TXNRD1: variants seen among roughly 807,000 people sequenced by gnomAD.
The protein encoded by TXNRD1 is thioredoxin reductase 1, also known as thioredoxin reductase 1, cytoplasmic.
TXNRD1 carries 57 observed loss-of-function variants against 80.3 expected under a neutral mutation model. The observed-to-expected ratio is 0.71, with a 90% CI of 0.57 to 0.89. TXNRD1 has a LOEUF of 0.89. TXNRD1 is among the 40% of genes least tolerant of loss of function. TXNRD1 has a pLI of 0.00. For missense variants in TXNRD1, 730 were observed against 803.0 expected, an observed-to-expected ratio of 0.91 and a Z score of 1.10; for synonymous variants, 291 against 285.2, an observed-to-expected ratio of 1.02 and a Z score of -0.20.
At chr12:104,235,430 A>G (rs1296109059) in intron 1 of TXNRD1, among the ~76,000 whole-genome samples, 1 of 152,162 alleles carries the variant, frequency 6.6e-6, no homozygotes, top group Non-Finnish European at 1.5e-5. Context: ...TTAGGCTTTG[A>G]AAATAGAGGA....
At chr12:104,323,581 T>C (rs1409173248) in intron 10 of TXNRD1, among the ~76,000 whole-genome samples, 2 of 63,996 alleles carry the variant, frequency 3.1e-5, no homozygotes. Context: ...GGCGGGGGGC[T>C]GACACCCCCA....
chr12:104,305,122 A>T (rs1402051753), intron 4 of TXNRD1: 3 of 567,690 alleles, frequency 5.3e-6, no homozygotes, highest in Non-Finnish European at 8.5e-6. Flanking sequence ...TCTGTTATTA[A>T]AACAAATTCA....
In TXNRD1 at chr12:104,348,336, T is replaced by C; in HGVS notation, c.1882-17T>C. 6.2e-7 allele frequency: 1 copy of C among 1,613,770 alleles called. No homozygotes were observed. The highest frequency in any genetic ancestry group is 8.5e-7 in the Non-Finnish European group (1 of 1,179,656). Reference sequence around the variant, plus strand: ...GCTCAGGCATCTGAAGATGTTGTGCTTTCTCTTCCCCTGCAGGTATTCACA... The same window carrying C: ...GCTCAGGCATCTGAAGATGTTGTGCCTTCTCTTCCCCTGCAGGTATTCACA... On this transcript the variant is annotated splice_polypyrimidine_tract_variant and intron_variant, in intron 16 of 16. Coordinates refer to ENST00000525566, the MANE Select transcript of TXNRD1 (RefSeq NM_001093771.3).
chr12:104,305,731 T>C (rs1275796309), intron 4 of TXNRD1, among the ~76,000 whole-genome samples: 1 of 152,234 alleles, frequency 6.6e-6, no homozygotes, highest in East Asian at 1.9e-4. Context: ...CAAACTATTA[T>C]ACATTGAACA....
chr12:104,329,568 G>A (rs557639504), intron 13 of TXNRD1, among the ~76,000 whole-genome samples: 145 of 151,918 alleles, frequency 9.5e-4, no homozygotes, highest in African/African-American at 3.3e-3. Context: ...AGAATCACCC[G>A]AACTTGGGAG....
chr12:104,294,696 C>T (rs569678175), intron 4 of TXNRD1, among the ~76,000 whole-genome samples: 24 of 152,270 alleles, frequency 1.6e-4, no homozygotes, highest in African/African-American at 5.3e-4. Flanking sequence ...TCTCAAAACT[C>T]GTGAGTTTAA....
chr12:104,345,043 G>A (rs1471638124), intron 16 of TXNRD1, among the ~76,000 whole-genome samples: 1 of 152,178 alleles, frequency 6.6e-6, no homozygotes, highest in South Asian at 2.1e-4. Flanking sequence ...GGGGAATGCG[G>A]TTCAGAAGTG....
intron 4 of TXNRD1, among the ~76,000 whole-genome samples, chr12:104,294,242 C>CCCCCG: frequency 8.4e-6 from 1 of 119,044 alleles, no homozygotes; most frequent in South Asian, 3.5e-4. Flanking sequence ...GGCCCCCCCC[C>CCCCCG]CCGCCGCCGG....
At chr12:104,231,636 T>G (rs1011827488) in intron 1 of TXNRD1, among the ~76,000 whole-genome samples, 2 of 152,218 alleles carry the variant, frequency 1.3e-5, no homozygotes, top group African/African-American at 4.8e-5. Context: ...AATTTTCATC[T>G]AAAATTTTAC....
intron 4 of TXNRD1, among the ~76,000 whole-genome samples, chr12:104,308,416 A>C (rs547145683): frequency 6.6e-6 from 1 of 152,372 alleles, no homozygotes; most frequent in African/African-American, 2.4e-5. Context: ...GTTGTCAGAC[A>C]TTAAAGAGAA....
At chr12:104,303,261 C>G (rs1458678011) in intron 4 of TXNRD1, among the ~76,000 whole-genome samples, 1 of 152,164 alleles carries the variant, frequency 6.6e-6, no homozygotes, top group Non-Finnish European at 1.5e-5. Flanking sequence ...AAGTAATTAA[C>G]CCGATTTACA....
chr12:104,326,290 G>A, intron 11 of TXNRD1, 57 bp from the exon 12 acceptor site: 1 of 1,163,264 alleles, frequency 8.6e-7, no homozygotes, highest in Non-Finnish European at 1.2e-6. Flanking sequence ...AATATGATTA[G>A]GTAATAAATG....
At chr12:104,291,447 G>A (rs544238619) in intron 4 of TXNRD1, among the ~76,000 whole-genome samples, 2 of 144,946 alleles carry the variant, frequency 1.4e-5, no homozygotes, top group South Asian at 2.2e-4. Flanking sequence ...AGTCCAAAGC[G>A]CTGGGATTAC....
chr12:104,269,163 C>T (rs2033600115), intron 3 of TXNRD1, among the ~76,000 whole-genome samples: 1 of 151,968 alleles, frequency 6.6e-6, no homozygotes, highest in Non-Finnish European at 1.5e-5. Flanking sequence ...GCCTGGCCTC[C>T]CAAAGTGCTG....
intron 7 of TXNRD1, among the ~76,000 whole-genome samples, chr12:104,318,074 G>A (rs901256131): frequency 6.6e-6 from 1 of 152,228 alleles, no homozygotes; most frequent in African/African-American, 2.4e-5. Context: ...CCTGGGTTGA[G>A]GGGTACGGAG....
chr12:104,241,474 G>A (rs1424821315), intron 1 of TXNRD1, among the ~76,000 whole-genome samples: 1 of 152,024 alleles, frequency 6.6e-6, no homozygotes, highest in East Asian at 1.9e-4. Flanking sequence ...ACGTTGAAGC[G>A]ATTCTCCTGA....
intron 4 of TXNRD1, among the ~76,000 whole-genome samples, chr12:104,293,156 G>T (rs1039638909): frequency 2.0e-5 from 3 of 152,190 alleles, no homozygotes; most frequent in Non-Finnish European, 4.4e-5. Context: ...CAGGATTCCA[G>T]GGTTTTGAAA....
intron 4 of TXNRD1, among the ~76,000 whole-genome samples, chr12:104,306,637 T>G (rs2034927167): frequency 6.6e-6 from 1 of 151,930 alleles, no homozygotes; most frequent in Non-Finnish European, 1.5e-5. Context: ...AATAATAGAG[T>G]AGAGGTTTTA....
chr12:104,324,629 C>T (rs868269966), intron 10 of TXNRD1, among the ~76,000 whole-genome samples: 1 of 149,016 alleles, frequency 6.7e-6, no homozygotes, highest in South Asian at 2.1e-4. Flanking sequence ...GGATTACAGG[C>T]GTGAGCCACC....
Sources: gnomAD v4.1 joint callset for allele counts (sites outside exome capture counted in the v4.1 genomes callset) on GRCh38, gnomAD v4.1.1 for gene constraint, MANE v1.5 for transcripts, NCBI Gene and HGNC (gene_info 2026-07-23, HGNC 2026-07-21) for gene names.